The following PDE1A variants were observed in gnomAD, a reference collection of about 807,000 sequenced individuals.
PDE1A encodes the protein phosphodiesterase 1A, also known as dual specificity calcium/calmodulin-dependent 3',5'-cyclic nucleotide phosphodiesterase 1A.
PDE1A carries 35 observed loss-of-function variants against 61.7 expected under a neutral mutation model. The observed-to-expected ratio is 0.57, with a 90% CI of 0.43 to 0.75. The LOEUF is 0.75. Among genes scored for constraint, PDE1A ranks in the 30% least tolerant of loss-of-function variants. The pLI, the probability that PDE1A is intolerant of heterozygous loss-of-function variation, is 0.00. For synonymous variants in PDE1A, 232 were observed against 213.2 expected (o/e 1.09, Z -0.77); for missense variants, 597 against 630.6 (o/e 0.95, Z 0.57).
At chr2:182,635,199 T>C in the PDE1A span, among the ~76,000 whole-genome samples, 125 of 152,132 alleles carry the variant, frequency 8.2e-4, no homozygotes, top group Non-Finnish European at 1.4e-3. Context: ...AATTTTTTGA[T>C]GTTGCTTTTA....
At chr2:182,678,426 AAAAGAAAGAAAAG>A in the PDE1A span, among the ~76,000 whole-genome samples, 53 of 152,312 alleles carry the variant, frequency 3.5e-4, no homozygotes, top group Non-Finnish European at 4.9e-4. Context: ...TCTGTCTCAG[AAAAGAAAGAAAAG>A]AAAGAAAGAA....
intron 1 of PDE1A, among the ~76,000 whole-genome samples, chr2:182,305,438 A>G (rs1412149491): frequency 3.3e-5 from 5 of 152,166 alleles, no homozygotes; most frequent in African/African-American, 1.2e-4. Flanking sequence ...ACTTTATAAA[A>G]AGAGACTGCT....
intron 1 of PDE1A, among the ~76,000 whole-genome samples, chr2:182,277,832 GA>G (rs1396795137): frequency 6.6e-6 from 1 of 151,866 alleles, no homozygotes; most frequent in Non-Finnish European, 1.5e-5. Flanking sequence ...CTGCCCTGTG[GA>G]AAAAACAATA....
intron 13 of PDE1A, among the ~76,000 whole-genome samples, chr2:182,161,147 C>T (rs1012010303): frequency 2.6e-5 from 4 of 152,148 alleles, no homozygotes; most frequent in African/African-American, 9.7e-5. Context: ...GGGATTCCAA[C>T]TCCCAGCTCC....
the PDE1A span, among the ~76,000 whole-genome samples, chr2:182,667,283 T>C: frequency 2.6e-5 from 4 of 152,222 alleles, no homozygotes; most frequent in African/African-American, 9.6e-5. Flanking sequence ...TGATTACCTT[T>C]ACAGTAATCA....
chr2:182,172,929 C>T (rs573897326), intron 13 of PDE1A, among the ~76,000 whole-genome samples: 102 of 152,026 alleles, frequency 6.7e-4, no homozygotes, highest in African/African-American at 2.3e-3. Context: ...ACTGATCTTC[C>T]CAGGAGTAGA....
intron 1 of PDE1A, 76 bp from the exon 2 acceptor site, chr2:182,264,490 A>G (rs1335641112): frequency 3.1e-5 from 30 of 959,172 alleles, no homozygotes. Flanking sequence ...TACAGTATTA[A>G]ATACACTCAG....
chr2:182,535,614 T>C, the PDE1A span, among the ~76,000 whole-genome samples: 2 of 152,124 alleles, frequency 1.3e-5, no homozygotes, highest in East Asian at 1.9e-4. Flanking sequence ...TGAAAAATGA[T>C]CTTTTGCTTT....
intron 2 of PDE1A, among the ~76,000 whole-genome samples, chr2:182,520,440 T>G (rs928131045): frequency 6.6e-6 from 1 of 151,924 alleles, no homozygotes; most frequent in Non-Finnish European, 1.5e-5. Context: ...TGGCTCTAAA[T>G]AAACACAACT....
At position 182,306,227 on chromosome 2, in the gene PDE1A, CTG is replaced by C. The variant is rs140308476; in HGVS notation, c.54-41815_54-41814del. ...GACAGAATTTTCTTCCTTTTTAAGA[CTG>C]TGTAGTATGCCACCATGTATACGTA... is the stretch of plus-strand genomic sequence containing the variant. On this transcript the variant is annotated intron_variant, in intron 1 of 13. Transcript: ENST00000351439. Among the ~76,000 whole-genome samples the C allele has an allele frequency of 2.5e-3, 379 of 152,218 alleles. 3 individuals are homozygous for C. Among genetic ancestry groups the C allele is most frequent in the African/African-American group, 8.7e-3 (361 of 41,530 alleles).
intron 10 of PDE1A, among the ~76,000 whole-genome samples, chr2:182,195,065 G>A (rs1686026767): frequency 6.6e-6 from 1 of 152,034 alleles, no homozygotes; most frequent in Admixed American, 6.6e-5. Context: ...ACATTCTGCA[G>A]ATCAAAAAGG....
downstream of PDE1A, among the ~76,000 whole-genome samples, chr2:182,164,885 A>G (rs1196067): frequency 0.72 from 110,038 of 152,088 alleles, 40,192 homozygotes; most frequent in East Asian, 0.91. Flanking sequence ...ACCATCTGTA[A>G]ACTTATGTAA....
the PDE1A span, among the ~76,000 whole-genome samples, chr2:182,714,279 G>A: frequency 6.6e-6 from 1 of 152,072 alleles, no homozygotes; most frequent in Non-Finnish European, 1.5e-5. Context: ...ATTCCCCAAG[G>A]TTTTAATCCT....
intron 1 of PDE1A, among the ~76,000 whole-genome samples, chr2:182,365,997 T>C (rs1172164898): frequency 6.6e-6 from 1 of 151,994 alleles, no homozygotes; most frequent in Non-Finnish European, 1.5e-5. Flanking sequence ...GTGCAGGAAT[T>C]TGCCTCCTGA....
At position 182,519,202 on chromosome 2, in the gene PDE1A, T is replaced by C. The variant is rs150713200; in HGVS notation, c.101+3074A>G. Among the ~76,000 whole-genome samples the C allele has an allele frequency of 1.1e-3, 173 of 152,202 alleles. 1 individual carries two copies. Among genetic ancestry groups the C allele is most frequent in the African/African-American group, 4.0e-3 (167 of 41,576 alleles). On this transcript the variant is annotated intron_variant, in intron 2 of 14. Transcript: ENST00000410103. Reference sequence around the variant, plus strand: ...TCATAAGAAACTTCTGAATCAGAAATTTCATTTGGTGTTGAGATGGCATAA... The same window carrying C: ...TCATAAGAAACTTCTGAATCAGAAACTTCATTTGGTGTTGAGATGGCATAA...
chr2:182,314,447 C>G (rs1265975123), intron 1 of PDE1A: 1 of 152,136 alleles, frequency 6.6e-6, no homozygotes, highest in Non-Finnish European at 1.5e-5. Context: ...AGGTCAGAAA[C>G]AGGGCAGGTC....
chr2:182,370,888 CTT>C, intron 1 of PDE1A, among the ~76,000 whole-genome samples: 1 of 152,066 alleles, frequency 6.6e-6, no homozygotes, highest in Middle Eastern at 3.2e-3. Flanking sequence ...TTTCTAGAGA[CTT>C]CAGAAACCTT....
chr2:182,689,724 A>C, the PDE1A span, among the ~76,000 whole-genome samples: 4 of 152,216 alleles, frequency 2.6e-5, no homozygotes, highest in Non-Finnish European at 5.9e-5. Context: ...CCTTCAAAAA[A>C]TCAATGAATC....
chr2:182,494,304 A>AG (rs1162528408), intron 2 of PDE1A, among the ~76,000 whole-genome samples: 1 of 134,282 alleles, frequency 7.4e-6, no homozygotes, highest in Non-Finnish European at 1.6e-5. Flanking sequence ...TCTACAAAAA[A>AG]AAAAGAAAAG....
Sources: allele counts gnomAD v4.1 joint callset (sites outside exome capture counted in the v4.1 genomes callset), GRCh38; gene constraint gnomAD v4.1.1; transcripts MANE v1.5; gene names NCBI Gene and HGNC (gene_info 2026-07-23, HGNC 2026-07-21).